Variants in LEP observed in about 807,000 individuals in gnomAD.
The protein encoded by LEP is leptin (murine obesity homolog).
A neutral mutation model predicts 9.8 loss-of-function variants in LEP; 6 were observed. The ratio of observed to expected loss-of-function variants is 0.61; its 90% CI spans 0.34 to 1.21. LEP has a LOEUF of 1.21. LEP is among the 50% of genes most tolerant of loss of function. The pLI is 0.04. For missense variants in LEP, 134 were observed against 198.1 expected (o/e 0.68, Z 1.94); for synonymous variants, 112 against 81.7 (o/e 1.37, Z -2.00).
chr7:128,256,055 AT>A lies in LEP; in HGVS notation c.*1295del, dbSNP rs1795336094. ...GGGTTTATTACATGGCAGTGTTCCT[AT>A]TTGGGGCTTGCATGCCAAATTGTAG... On this transcript the variant is annotated 3_prime_UTR_variant, in exon 3 of 3. Coordinates refer to ENST00000308868, the MANE Select transcript of LEP (RefSeq NM_000230.3). The A allele has an allele frequency of 6.6e-6, 1 of 152,182 alleles. No homozygotes were observed. The highest frequency in any genetic ancestry group is 2.1e-4 in the South Asian group (1 of 4,832). The allele number at this position is 152,182 out of a possible 1,614,324, so 9.4% of individuals were successfully genotyped here. A position where few individuals can be genotyped will look rare whatever the true frequency, so the allele number is the denominator to read the frequency against.
intron 1 of LEP, among the ~76,000 whole-genome samples, chr7:128,242,787 G>A (rs1006290907): frequency 1.3e-5 from 2 of 152,222 alleles, no homozygotes; most frequent in African/African-American, 2.4e-5. Flanking sequence ...GTCAGCCCCA[G>A]GCAGATGCCT....
rs28954116 is a variant in LEP, at chr7:128,254,992, C to G, written c.*229C>G. The G allele has an allele frequency of 4.9e-3, 2,723 of 555,660 alleles. 65 individuals carry two copies. Among genetic ancestry groups the G allele is most frequent in the African/African-American group, 0.044 (2,340 of 53,096 alleles). 34.4% of individuals were successfully genotyped at this position (555,660 alleles called of 1,614,324 possible). ...CTATTCTCACCAGGAAGGGGGTCCA[C>G]CCAGCAAAGAGTGGGCTGCATCTGG... On this transcript the variant is annotated 3_prime_UTR_variant, in exon 3 of 3. Coordinates refer to ENST00000308868, the MANE Select transcript of LEP (RefSeq NM_000230.3).
At position 128,254,387 on chromosome 7, in the gene LEP, C is replaced by T. The variant is rs1795310767; in HGVS notation, c.145-17C>T. On this transcript the variant is annotated splice_polypyrimidine_tract_variant and intron_variant, in intron 2 of 2. Coordinates refer to ENST00000308868, the MANE Select transcript of LEP (RefSeq NM_000230.3). ...CCCACATGCTGAGCACTTGTTCTCCCTCTTCCTCCTGCATAGCAGTCAGTC... is the reference window on the plus strand; with the variant it reads ...CCCACATGCTGAGCACTTGTTCTCCTTCTTCCTCCTGCATAGCAGTCAGTC... 5 of 1,611,616 alleles carry T rather than the reference C, an allele frequency of 3.1e-6. No individual in the cohort carries two copies. The highest frequency in any genetic ancestry group is 1.1e-5 in the South Asian group (1 of 91,076).
intron 1 of LEP, among the ~76,000 whole-genome samples, chr7:128,249,962 G>A (rs1243978918): frequency 1.3e-5 from 2 of 152,170 alleles, no homozygotes; most frequent in Non-Finnish European, 2.9e-5. Context: ...TGATAGAGGG[G>A]GCTTGTAAAA....
Position 128,255,054 on chromosome 7 carries a change from G to T in LEP, c.*291G>T. The T allele has an allele frequency of 2.3e-6, 1 of 443,820 alleles. No homozygotes were observed. Among genetic ancestry groups the T allele is most frequent in the Non-Finnish European group, 4.2e-6 (1 of 238,020 alleles). The allele number at this position is 443,820 out of a possible 1,614,324, so 27.5% of individuals were successfully genotyped here. A position where few individuals can be genotyped will look rare whatever the true frequency, so the allele number is the denominator to read the frequency against. On this transcript the variant is annotated 3_prime_UTR_variant, in exon 3 of 3. Coordinates refer to ENST00000308868, the MANE Select transcript of LEP (RefSeq NM_000230.3). ...AGGTCTTCAGCCATCAACAAGAGTT[G>T]TCTTGTCCCCTCTTGACCCATCTCC...
rs112070222 is a variant in LEP, at chr7:128,252,694, G to A, written c.144+532G>A. ...TGCAGTGGGCCCTGATCATGCCACC[G>A]TGCTCCAGCCTGGGTGACAGAGTGA... On this transcript the variant is annotated intron_variant, in intron 2 of 2. Transcript: ENST00000308868. Among the ~76,000 whole-genome samples, 1,082 of 152,080 alleles carry A rather than the reference G, an allele frequency of 7.1e-3. 7 individuals carry two copies. The highest frequency in any genetic ancestry group is 0.011 in the Non-Finnish European group (766 of 67,994).
chr7:128,241,754 A>G (rs1795154260), intron 1 of LEP, among the ~76,000 whole-genome samples: 1 of 152,220 alleles, frequency 6.6e-6, no homozygotes, highest in East Asian at 1.9e-4. Flanking sequence ...GTAGGAATTC[A>G]GGATTCATTT....
Position 128,249,967 on chromosome 7 carries a change from G to C in LEP, c.-28-2024G>C, listed in dbSNP as rs999146648. Among the ~76,000 whole-genome samples the C allele has an allele frequency of 3.3e-5, 5 of 152,308 alleles. No individual in the cohort carries two copies. The South Asian group carries it at 1.0e-3, about 32-fold the overall frequency. ...TTATCAGTGGTGATAGAGGGGGCTT[G>C]TAAAACTGTTTTTCCACTTAGGTAT... is the stretch of plus-strand genomic sequence containing the variant. On this transcript the variant is annotated intron_variant, in intron 1 of 2. Transcript: ENST00000308868.
At chr7:128,250,663 T>C (rs1278672903) in intron 1 of LEP, among the ~76,000 whole-genome samples, 3 of 152,192 alleles carry the variant, frequency 2.0e-5, no homozygotes, top group Non-Finnish European at 2.9e-5. Flanking sequence ...ACTGCTTGTT[T>C]TTATTGTATT....
chr7:128,247,446 C>T (rs1338120490), intron 1 of LEP, among the ~76,000 whole-genome samples: 8 of 152,164 alleles, frequency 5.3e-5, no homozygotes, highest in African/African-American at 1.4e-4. Flanking sequence ...ACATTTGCTC[C>T]TCAGGGTGCA....
intron 2 of LEP, 34 bp downstream of exon 2, chr7:128,252,196 C>G (rs140447473): frequency 1.2e-6 from 2 of 1,612,134 alleles, no homozygotes; most frequent in Non-Finnish European, 1.7e-6. Flanking sequence ...AGTAGAACTG[C>G]AGCCAGCCCA....
chr7:128,251,892 C>G, intron 1 of LEP, 99 bp from the exon 2 acceptor site: 1 of 984,140 alleles, frequency 1.0e-6, no homozygotes, highest in South Asian at 1.3e-5. Flanking sequence ...GAAAGCAAAG[C>G]TGATTTTCAT....
intron 1 of LEP, among the ~76,000 whole-genome samples, chr7:128,249,111 C>T (rs1163767013): frequency 6.6e-6 from 1 of 152,234 alleles, no homozygotes; most frequent in African/African-American, 2.4e-5. Flanking sequence ...CATGGCCAGG[C>T]CCCACCCAGG....
In LEP at chr7:128,256,806, C is replaced by T. The variant is rs990483062; in HGVS notation, c.*2043C>T. 5 of 152,308 alleles carry T rather than the reference C, an allele frequency of 3.3e-5. No homozygotes were observed. The highest frequency in any genetic ancestry group is 3.9e-4 in the East Asian group (2 of 5,176). The allele number at this position is 152,308 out of a possible 1,614,324, so 9.4% of individuals were successfully genotyped here. On this transcript the variant is annotated 3_prime_UTR_variant, in exon 3 of 3. Coordinates refer to ENST00000308868, the MANE Select transcript of LEP (RefSeq NM_000230.3). Reference sequence around the variant, plus strand: ...AGGTCCTCTGATACCCAGAGCATTACGTGAGCCAGGTAATGAGGGACTGGA... The same window carrying T: ...AGGTCCTCTGATACCCAGAGCATTATGTGAGCCAGGTAATGAGGGACTGGA...
intron 1 of LEP, among the ~76,000 whole-genome samples, chr7:128,242,497 A>G (rs1283115251): frequency 6.6e-6 from 1 of 152,156 alleles, no homozygotes; most frequent in Non-Finnish European, 1.5e-5. Context: ...TAGAAACAAG[A>G]AGGCCACACT....
At chr7:128,245,929 G>A (rs1474441111) in intron 1 of LEP, among the ~76,000 whole-genome samples, 1 of 152,054 alleles carries the variant, frequency 6.6e-6, no homozygotes, top group Non-Finnish European at 1.5e-5. Context: ...AGGTGCGGTG[G>A]TGGGCGCCTG....
intron 1 of LEP, among the ~76,000 whole-genome samples, chr7:128,243,061 C>T (rs548473596): frequency 1.4e-3 from 208 of 152,330 alleles, no homozygotes; most frequent in Middle Eastern, 3.4e-3. Context: ...TCTGGCCAGT[C>T]GGCAGAGAGC....
intron 2 of LEP, among the ~76,000 whole-genome samples, chr7:128,252,369 G>C (rs1370769636): frequency 1.3e-5 from 2 of 152,104 alleles, no homozygotes; most frequent in African/African-American, 4.8e-5. Flanking sequence ...AGATTCCAGG[G>C]GTTAGTGGTT....
At position 128,255,449 on chromosome 7, in the gene LEP, G is replaced by A. The variant is rs1372105221; in HGVS notation, c.*686G>A. 2.0e-5 allele frequency: 3 copies of A among 153,270 alleles called. No homozygotes were observed. The highest frequency in any genetic ancestry group is 1.5e-5 in the Non-Finnish European group (1 of 68,810). The allele number at this position is 153,270 out of a possible 1,614,324, so 9.5% of individuals were successfully genotyped here. A position where few individuals can be genotyped will look rare whatever the true frequency, so the allele number is the denominator to read the frequency against. On this transcript the variant is annotated 3_prime_UTR_variant, in exon 3 of 3. Transcript: ENST00000308868. Reference sequence around the variant, plus strand: ...AAGAGCTGGCAAAGGTGGCTCTCCAGTTAGTTCTCTCGTAACTGGTTTCAT... The same window carrying A: ...AAGAGCTGGCAAAGGTGGCTCTCCAATTAGTTCTCTCGTAACTGGTTTCAT...
Sources: allele counts gnomAD v4.1 joint callset (sites outside exome capture counted in the v4.1 genomes callset), GRCh38; gene constraint gnomAD v4.1.1; transcripts MANE v1.5; gene names NCBI Gene and HGNC (gene_info 2026-07-23, HGNC 2026-07-21).